ABAT: variants seen among roughly 807,000 people sequenced by gnomAD.
ABAT encodes 4-aminobutyrate aminotransferase, also known as 4-aminobutyrate aminotransferase, mitochondrial.
ABAT carries 45 observed loss-of-function variants against 64.6 expected under a neutral mutation model. The observed-to-expected ratio is 0.70, with a 90% CI of 0.55 to 0.89. The LOEUF (loss-of-function observed/expected upper bound fraction) is 0.89. Ranked by LOEUF, ABAT falls within the 40% of genes least tolerant of loss-of-function variation. The pLI is 0.00. For missense variants in ABAT, 633 were observed against 658.4 expected (o/e 0.96, Z 0.42); for synonymous variants, 297 against 250.5 (o/e 1.19, Z -1.75).
At chr16:8,682,599 C>T (rs1157878564) in intron 1 of ABAT, among the ~76,000 whole-genome samples, 1 of 100,658 alleles carries the variant, frequency 9.9e-6, no homozygotes, top group Non-Finnish European at 2.3e-5. Flanking sequence ...AATCCTGGAC[C>T]AGCCCCCGAC....
At chr16:8,758,735 G>C (rs551293778) in intron 6 of ABAT, among the ~76,000 whole-genome samples, 87 of 152,200 alleles carry the variant, frequency 5.7e-4, no homozygotes, top group African/African-American at 2.1e-3. Flanking sequence ...GTAACCCCAC[G>C]TGAGAACCCC....
chr16:8,726,255 A>G lies in ABAT; in HGVS notation c.-41-9444A>G, dbSNP rs183411177. On this transcript the variant is annotated intron_variant, in intron 1 of 15. Coordinates refer to ENST00000268251, the MANE Select transcript of ABAT (RefSeq NM_020686.6). ...AGTTCCATCCACGTTGTTGCAAATG[A>G]CTAGATCTTTTTTTTTTTTTTTTGA... 2.2e-4 allele frequency among the ~76,000 whole-genome samples: 24 copies of G among 106,962 alleles called. No homozygotes were observed. The Admixed American group carries it at 2.6e-3, about 12-fold the overall frequency. The allele number at this position is 106,962 out of a possible 152,430, so 70.2% of individuals were successfully genotyped here.
intron 12 of ABAT, among the ~76,000 whole-genome samples, chr16:8,773,141 C>CACACACACAG (rs2060166523): frequency 8.0e-6 from 1 of 124,970 alleles, no homozygotes; most frequent in Non-Finnish European, 1.6e-5. Context: ...CACACACACA[C>CACACACACAG]ACACACATAT....
intron 1 of ABAT, among the ~76,000 whole-genome samples, chr16:8,723,383 A>G (rs973043047): frequency 1.3e-5 from 2 of 152,122 alleles, no homozygotes; most frequent in South Asian, 2.1e-4. Flanking sequence ...GCTCCCTTCT[A>G]TCATCATTGG....
intron 1 of ABAT, among the ~76,000 whole-genome samples, chr16:8,728,068 CAGAGAGAGAG>C (rs112812315): frequency 6.6e-6 from 1 of 150,584 alleles, no homozygotes; most frequent in East Asian, 2.0e-4. Flanking sequence ...GAGACCCTGT[CAGAGAGAGAG>C]AGAGAGAGAG....
intron 15 of ABAT, chr16:8,780,897 A>T (rs138281130): frequency 1.0e-4 from 47 of 457,220 alleles, no homozygotes; most frequent in Middle Eastern, 6.5e-4. Context: ...CATGCTTCCG[A>T]CTCAGCCTGT....
chr16:8,698,021 T>G (rs917350980), intron 1 of ABAT, among the ~76,000 whole-genome samples: 30 of 152,304 alleles, frequency 2.0e-4, no homozygotes, highest in African/African-American at 7.0e-4. Flanking sequence ...GTAAAAATAT[T>G]CATTGAGATC....
At chr16:8,710,224 C>T (rs1396450848) in intron 1 of ABAT, among the ~76,000 whole-genome samples, 2 of 152,154 alleles carry the variant, frequency 1.3e-5, no homozygotes, top group Admixed American at 1.3e-4. Flanking sequence ...TTAGCTCAGT[C>T]CTAGGCACAA....
At chr16:8,681,917 C>T (rs1409813774) in intron 1 of ABAT, among the ~76,000 whole-genome samples, 1 of 152,124 alleles carries the variant, frequency 6.6e-6, no homozygotes, top group East Asian at 1.9e-4. Context: ...GCTGGGATTA[C>T]AGGCTGAGCC....
At chr16:8,705,857 T>C (rs867051079) in intron 1 of ABAT, among the ~76,000 whole-genome samples, 1 of 152,228 alleles carries the variant, frequency 6.6e-6, no homozygotes, top group East Asian at 1.9e-4. Context: ...TTGAGTGTAA[T>C]TGTGCACCAG....
chr16:8,774,151 C>T (rs1596471257), intron 12 of ABAT, among the ~76,000 whole-genome samples: 1 of 152,074 alleles, frequency 6.6e-6, no homozygotes, highest in African/African-American at 2.4e-5. Context: ...CTGATTGGCT[C>T]AGACTCCTGG....
intron 9 of ABAT, among the ~76,000 whole-genome samples, chr16:8,766,721 C>A (rs1457695028): frequency 1.3e-5 from 2 of 151,958 alleles, no homozygotes; most frequent in African/African-American, 2.4e-5. Context: ...GTAATCCCAG[C>A]ACTTTGGGAG....
intron 1 of ABAT, among the ~76,000 whole-genome samples, chr16:8,691,212 T>C (rs567734981): frequency 6.6e-6 from 1 of 152,196 alleles, no homozygotes; most frequent in Admixed American, 6.5e-5. Flanking sequence ...GAGTACCCTC[T>C]CTGGGAACCC....
chr16:8,774,354 C>T (rs1460844739), intron 12 of ABAT, among the ~76,000 whole-genome samples: 1 of 152,140 alleles, frequency 6.6e-6, no homozygotes, highest in African/African-American at 2.4e-5. Context: ...CTCTTTGACA[C>T]ACTGATTTGC....
rs1287895111 is a variant in ABAT at position 8,768,912 on chromosome 16, A to T, written c.755A>T (p.Lys252Ile). ...CCCATCGCACCGTTCCCACGGCTGAAATACCCTCTGGAAGAGTTTGTGAAA... is the reference window on the plus strand; with the variant it reads ...CCCATCGCACCGTTCCCACGGCTGATATACCCTCTGGAAGAGTTTGTGAAA... The part of the protein sequence containing the change: ...DWPIAPFPRL[K>I]YPLEEFVKEN... The change falls in exon 11 of 16, where the codon AAA (lysine) becomes ATA (isoleucine). Residue 252 changes from lysine to isoleucine, a missense_variant. Lys to Ile is a moderately radical substitution (Grantham distance 102, BLOSUM62 -3). Transcript: ENST00000268251. The T allele has an allele frequency of 1.2e-6, 2 of 1,614,182 alleles. No individual in the cohort carries two copies.
At chr16:8,710,568 C>G (rs1319474714) in intron 1 of ABAT, among the ~76,000 whole-genome samples, 2 of 151,936 alleles carry the variant, frequency 1.3e-5, no homozygotes, top group African/African-American at 4.8e-5. Flanking sequence ...AAGTCCCCGT[C>G]TCTACAAAAA....
At chr16:8,733,619 T>C (rs1366895236) in intron 1 of ABAT, among the ~76,000 whole-genome samples, 3 of 151,896 alleles carry the variant, frequency 2.0e-5, no homozygotes, top group Non-Finnish European at 4.4e-5. Context: ...CACTTGCGGT[T>C]AGGGGCTGGA....
At chr16:8,749,463 A>G (rs140665526) in intron 4 of ABAT, among the ~76,000 whole-genome samples, 13,853 of 129,474 alleles carry the variant, frequency 0.11, 769 homozygotes, top group Middle Eastern at 0.2. Context: ...CAGTGGCACA[A>G]TCTCGGCTCA....
intron 10 of ABAT, 152 bp downstream of exon 10, chr16:8,768,408 C>A: frequency 1.1e-6 from 1 of 900,478 alleles, no homozygotes; most frequent in Non-Finnish European, 1.8e-6. Context: ...TCCTGCTTTG[C>A]AGATGGGGGA....
Sources: allele counts gnomAD v4.1 joint callset (sites outside exome capture counted in the v4.1 genomes callset), GRCh38; gene constraint gnomAD v4.1.1; transcripts MANE v1.5; gene names NCBI Gene and HGNC (gene_info 2026-07-23, HGNC 2026-07-21).